Variants in NUP188 observed in about 807,000 individuals in gnomAD.
NUP188 encodes the protein nucleoporin 188, also known as nucleoporin NUP188.
NUP188 carries 97 observed loss-of-function variants against 223.0 expected under a neutral mutation model. That is an observed-to-expected ratio of 0.43 (90% CI 0.37 to 0.51). The LOEUF (loss-of-function observed/expected upper bound fraction) is 0.51, where lower values mean the gene tolerates loss of function less well. Among genes scored for constraint, NUP188 ranks in the 20% least tolerant of loss-of-function variants. The pLI is 0.00. For synonymous variants in NUP188, 869 were observed against 828.0 expected, an observed-to-expected ratio of 1.05 and a Z score of -0.85; for missense variants, 1,947 against 2,175.6, an observed-to-expected ratio of 0.89 and a Z score of 2.09.
chr9:129,006,471 G>C (rs1489570520), intron 43 of NUP188, 31 bp from the exon 44 acceptor site: 1 of 1,611,798 alleles, frequency 6.2e-7, no homozygotes, highest in Non-Finnish European at 8.5e-7. Flanking sequence ...CAGATGTGCT[G>C]AGCCTCACCA....
intron 12 of NUP188, among the ~76,000 whole-genome samples, chr9:128,977,935 CCTTA>C (rs1310426252): frequency 6.6e-6 from 1 of 152,174 alleles, no homozygotes; most frequent in Non-Finnish European, 1.5e-5. Context: ...TATTTATAAT[CCTTA>C]CTTATAATCC....
rs147643853 is a variant in NUP188, at chr9:128,980,421, C to T, written c.1270-185C>T. Among the ~76,000 whole-genome samples, 372 of 152,284 alleles carry T rather than the reference C, an allele frequency of 2.4e-3. 7 individuals are homozygous for T. In the East Asian group the frequency reaches 0.042, roughly 17 times the overall value. ...AATAGTAATCTTTTTTTAGGTCCCT[C>T]ACTAAATCAATTATTTTATATCCTT... On this transcript the variant is annotated intron_variant, in intron 13 of 43. Transcript: ENST00000372577.
chr9:129,002,888 G>A lies in NUP188; in HGVS notation c.4209G>A (p.Leu1403=). ...GAGTCTACCGCCTGTCCATGTCCCT[G>A]ATGGAGCAGCTGCTCAAAACTCTGC... The part of the protein sequence containing the change: ...WPGVYRLSMS[L]MEQLLKTLRY... Residue 1403 remains leucine, a synonymous_variant, in exon 37 of 44, where the codon CTG becomes CTA. Transcript: ENST00000372577. 1.2e-6 allele frequency: 2 copies of A among 1,614,208 alleles called. No individual in the cohort carries two copies. The highest frequency in any genetic ancestry group is 1.7e-6 in the Non-Finnish European group (2 of 1,180,030).
In NUP188 at chr9:128,973,183, G is replaced by T; in HGVS notation, c.1137G>T (p.Met379Ile). The stretch of plus-strand genomic sequence containing the variant: ...AGTGCACCACCAGCACTGCATGCAT[G>T]TGTGTCTATGGACTGCTCTCTTTCG... ...GNDCTTSTAC[M>I]CVYGLLSFVL... Residue 379 changes from methionine (M) to isoleucine (I), a missense_variant, in exon 12 of 44, where the codon ATG becomes ATT. This residue lies in a region of NUP188 where 817 missense variants were observed against 865.8 expected (regional missense o/e 0.94). Transcript: ENST00000372577. 6.2e-7 allele frequency: 1 copy of T among 1,613,394 alleles called. No homozygotes were observed. The highest frequency in any genetic ancestry group is 1.7e-4 in the Middle Eastern group (1 of 6,026).
intron 8 of NUP188, among the ~76,000 whole-genome samples, chr9:128,966,930 T>C (rs1842038093): frequency 1.3e-5 from 2 of 152,336 alleles, no homozygotes; most frequent in East Asian, 3.9e-4. Context: ...GTTAAAAATA[T>C]TGAGTGTATT....
At chr9:128,979,206 A>G in intron 12 of NUP188, 56 bp from the exon 13 acceptor site, 1 of 1,273,532 alleles carries the variant, frequency 7.9e-7, no homozygotes, top group Non-Finnish European at 1.1e-6. Flanking sequence ...ACAATAATAA[A>G]GATAGACTGG....
chr9:128,959,525 A>ATTTTTTTTTTTTTTT (rs1841917120), intron 8 of NUP188, among the ~76,000 whole-genome samples: 1 of 142,338 alleles, frequency 7.0e-6, no homozygotes, highest in African/African-American at 2.7e-5. Context: ...CATACAGATT[A>ATTTTTTTTTTTTTTT]TCTTTTTTTT....
Position 128,983,378 on chromosome 9 carries a change from A to G in NUP188, c.1882A>G (p.Lys628Glu). The change falls in exon 18 of 44, where the codon AAG (lysine) becomes GAG (glutamate). Residue 628 changes from lysine (K) to glutamate (E), a missense_variant and splice_region_variant. Physicochemically the swap from Lys to Glu is moderately conservative, Grantham distance 56. Around this residue, in one of 3 missense-constraint regions of NUP188, gnomAD observed 817 missense variants for 865.8 expected, o/e 0.94. Transcript: ENST00000372577. ...TGTTTTGGCTGCCCGCAATCCAGCA[A>G]AGGTGAGATGCCAGATCTTCCCAAG... ...LTVLAARNPA[K>E]VWTDLRHTGF... 1 of 1,614,188 alleles carries G rather than the reference A, an allele frequency of 6.2e-7. No individual in the cohort carries two copies. Among genetic ancestry groups the G allele is most frequent in the Non-Finnish European group, 8.5e-7 (1 of 1,180,006 alleles).
intron 3 of NUP188, among the ~76,000 whole-genome samples, chr9:128,953,180 G>T (rs1009569048): frequency 2.0e-5 from 3 of 152,182 alleles, no homozygotes; most frequent in African/African-American, 7.2e-5. Context: ...AGTGAAGGAT[G>T]ATGCTAACAA....
intron 8 of NUP188, among the ~76,000 whole-genome samples, chr9:128,968,144 T>C (rs371039207): frequency 5.9e-5 from 9 of 152,134 alleles, no homozygotes; most frequent in South Asian, 2.1e-4. Flanking sequence ...TGCTCACTTT[T>C]AGTCCTAACT....
At chr9:128,958,759 T>C in intron 6 of NUP188, 43 bp from the exon 7 acceptor site, 1 of 1,082,460 alleles carries the variant, frequency 9.2e-7, no homozygotes, top group Non-Finnish European at 1.3e-6. Flanking sequence ...GAGTTTCCTA[T>C]GTGCAAAGGT....
intron 25 of NUP188, among the ~76,000 whole-genome samples, chr9:128,991,313 G>T (rs1296393346): frequency 1.3e-5 from 2 of 152,098 alleles, no homozygotes; most frequent in African/African-American, 4.8e-5. Flanking sequence ...GCTGAAGCAG[G>T]TGGATCATGA....
chr9:128,989,127 C>T (rs920756739), intron 24 of NUP188, among the ~76,000 whole-genome samples: 2 of 152,016 alleles, frequency 1.3e-5, no homozygotes, highest in East Asian at 3.9e-4. Context: ...GGCATGGTGG[C>T]TCACGTCTGT....
intron 12 of NUP188, among the ~76,000 whole-genome samples, chr9:128,973,823 G>A (rs575299139): frequency 5.9e-5 from 9 of 152,230 alleles, no homozygotes; most frequent in Non-Finnish European, 1.2e-4. Context: ...TTCCAAATAC[G>A]TATATACATG....
At chr9:128,984,426 G>C (rs752978391) in intron 19 of NUP188, among the ~76,000 whole-genome samples, 1 of 152,072 alleles carries the variant, frequency 6.6e-6, no homozygotes, top group African/African-American at 2.4e-5. Context: ...GTGCCCGGCC[G>C]AGAGCAAGAG....
In NUP188 at chr9:128,980,734, C is replaced by A. The variant is rs775856096; in HGVS notation, c.1389+9C>A. On this transcript the variant is annotated intron_variant, in intron 14 of 43. Transcript: ENST00000372577. ...AGTCCACAGCCAAAAAGGTAAGTTG[C>A]TTAGTCAGATAAGTAAAGAGAATGG... 4.3e-6 allele frequency: 7 copies of A among 1,613,150 alleles called. No homozygotes were observed. Among genetic ancestry groups the A allele is most frequent in the Non-Finnish European group, 5.9e-6 (7 of 1,179,684 alleles).
intron 8 of NUP188, among the ~76,000 whole-genome samples, chr9:128,960,657 G>A (rs1398043906): frequency 2.6e-5 from 4 of 152,162 alleles, no homozygotes; most frequent in African/African-American, 9.7e-5. Context: ...TGTAAAAGAA[G>A]ACATAACTGA....
Position 128,949,246 on chromosome 9 carries a change from A to G in NUP188, c.87+3A>G, listed in dbSNP as rs1564547606. On this transcript the variant is annotated splice_donor_region_variant and intron_variant, in intron 2 of 43. Coordinates refer to ENST00000372577, the MANE Select transcript of NUP188 (RefSeq NM_015354.3). ...GAAGGTCAGCTCTGAGAGAGCTGGT[A>G]AGTGGTGGTGTTCTTGAGTGGGTTC... is the stretch of plus-strand genomic sequence containing the variant. 1.2e-6 allele frequency: 2 copies of G among 1,609,008 alleles called. No individual in the cohort carries two copies. Among genetic ancestry groups the G allele is most frequent in the African/African-American group, 1.3e-5 (1 of 74,786 alleles).
intron 31 of NUP188, 131 bp downstream of exon 31, chr9:128,998,359 C>A: frequency 9.7e-7 from 1 of 1,031,204 alleles, no homozygotes; most frequent in Non-Finnish European, 1.5e-6. Flanking sequence ...CCTGGGAGGC[C>A]TGAGACTGTA....
Sources: gnomAD v4.1 joint callset for allele counts (sites outside exome capture counted in the v4.1 genomes callset) on GRCh38, gnomAD v4.1.1 for gene constraint, gnomAD v4.1.1 regional missense constraint, MANE v1.5 for transcripts, NCBI Gene and HGNC (gene_info 2026-07-23, HGNC 2026-07-21) for gene names.